The following PRKCB variants were observed in gnomAD, a reference collection of about 807,000 sequenced individuals.
The protein encoded by PRKCB is protein kinase C beta type.
A neutral mutation model predicts 81.5 loss-of-function variants in PRKCB; 13 were observed. The observed-to-expected ratio is 0.16, with a 90% confidence interval of 0.10 to 0.25. The LOEUF is 0.25. Ranked by LOEUF, PRKCB falls within the 10% of genes least tolerant of loss-of-function variation. PRKCB has a pLI of 1.00. For synonymous variants in PRKCB, 335 were observed against 321.4 expected, an observed-to-expected ratio of 1.04 and a Z score of -0.45; for missense variants, 509 against 875.7, an observed-to-expected ratio of 0.58 and a Z score of 5.29.
At chr16:23,891,005 G>A (rs1490909049) in intron 2 of PRKCB, among the ~76,000 whole-genome samples, 1 of 19,572 alleles carries the variant, frequency 5.1e-5, no homozygotes, top group East Asian at 1.5e-3. Flanking sequence ...TATAATGCGT[G>A]TGTGTGTGTG....
At chr16:24,047,565 C>T (rs1481865289) in intron 5 of PRKCB, among the ~76,000 whole-genome samples, 1 of 151,774 alleles carries the variant, frequency 6.6e-6, no homozygotes, top group Non-Finnish European at 1.5e-5. Flanking sequence ...TTTGAGCACC[C>T]GCCTCTAGTC....
At chr16:23,998,197 G>A (rs567604450) in intron 3 of PRKCB, among the ~76,000 whole-genome samples, 9 of 152,246 alleles carry the variant, frequency 5.9e-5, no homozygotes, top group South Asian at 2.1e-4. Context: ...TCCTTCAGAC[G>A]TGGACCAGGA....
intron 2 of PRKCB, among the ~76,000 whole-genome samples, chr16:23,865,675 C>T (rs1962777073): frequency 1.3e-5 from 2 of 150,558 alleles, no homozygotes; most frequent in Admixed American, 6.6e-5. Flanking sequence ...ATGTAAGAAA[C>T]AGAGCCCCAA....
At chr16:23,987,954 CT>C (rs1964824174) in intron 2 of PRKCB, among the ~76,000 whole-genome samples, 1 of 152,202 alleles carries the variant, frequency 6.6e-6, no homozygotes, top group South Asian at 2.1e-4. Context: ...TTGCAGACTA[CT>C]AAAGTGACAA....
At chr16:24,004,372 A>C in intron 3 of PRKCB, among the ~76,000 whole-genome samples, 1 of 151,900 alleles carries the variant, frequency 6.6e-6, no homozygotes, top group South Asian at 2.1e-4. Context: ...ATCAAAAGAA[A>C]TAGGACTCAA....
intron 8 of PRKCB, 60 bp from the exon 9 acceptor site, chr16:24,123,775 C>T: frequency 1.3e-6 from 2 of 1,573,140 alleles, no homozygotes; most frequent in Non-Finnish European, 1.7e-6. Context: ...TGTGCCTGTG[C>T]CTTCCTACAA....
At chr16:24,039,073 G>C (rs1277214522) in intron 5 of PRKCB, among the ~76,000 whole-genome samples, 2 of 152,144 alleles carry the variant, frequency 1.3e-5, no homozygotes, top group Non-Finnish European at 1.5e-5. Context: ...AAGAAAGAGA[G>C]ATCATTCTGT....
At chr16:23,912,812 CTTTA>C (rs778837740) in intron 2 of PRKCB, among the ~76,000 whole-genome samples, 1 of 66,642 alleles carries the variant, frequency 1.5e-5, no homozygotes, top group Non-Finnish European at 3.3e-5. Context: ...CGTGCCTGGC[CTTTA>C]TTTATTTATT....
At chr16:23,956,043 G>T (rs750496915) in intron 2 of PRKCB, among the ~76,000 whole-genome samples, 1 of 152,000 alleles carries the variant, frequency 6.6e-6, no homozygotes. Flanking sequence ...CAATATTTAG[G>T]TGTATTATCC....
At chr16:24,191,367 A>C (rs769215591) in intron 16 of PRKCB, 137 bp downstream of exon 16, 19 of 931,894 alleles carry the variant, frequency 2.0e-5, no homozygotes, top group Non-Finnish European at 2.6e-5. Flanking sequence ...ATTCACACAT[A>C]TGCACAAAAT....
chr16:24,102,112 G>A (rs779530983), intron 7 of PRKCB, among the ~76,000 whole-genome samples: 2 of 152,104 alleles, frequency 1.3e-5, no homozygotes, highest in Non-Finnish European at 2.9e-5. Flanking sequence ...ATTTTATTTC[G>A]GCTTTCCTGA....
At chr16:23,918,441 A>G (rs1461332761) in intron 2 of PRKCB, among the ~76,000 whole-genome samples, 2 of 151,852 alleles carry the variant, frequency 1.3e-5, no homozygotes, top group African/African-American at 2.4e-5. Flanking sequence ...CTGTCACCCA[A>G]GTTGGAGTGA....
At position 24,218,971 on chromosome 16, in the gene PRKCB, G is replaced by T. The variant is rs951936655; in HGVS notation, c.*4155G>T. 2.0e-6 allele frequency: 2 copies of T among 985,206 alleles called. No individual in the cohort carries two copies. The highest frequency in any genetic ancestry group is 2.4e-6 in the Non-Finnish European group (2 of 829,958). The allele number at this position is 985,206 out of a possible 1,614,324, so 61.0% of individuals were successfully genotyped here. A position where few individuals can be genotyped will look rare whatever the true frequency, so the allele number is the denominator to read the frequency against. On this transcript the variant is annotated 3_prime_UTR_variant, in exon 17 of 17. Transcript: ENST00000643927. ...AAGCCACCCTGCCTGCTTGTGCCTC[G>T]GTTCTCTCATATGTCATATATAGGA...
At chr16:24,213,004 G>GTTTGTT (rs891363971) in intron 16 of PRKCB, among the ~76,000 whole-genome samples, 8 of 142,976 alleles carry the variant, frequency 5.6e-5, no homozygotes, top group Non-Finnish European at 1.1e-4. Context: ...CACCGTACTT[G>GTTTGTT]TATATTTATT....
In PRKCB at chr16:23,857,288, G is replaced by C. The variant is rs1962584271; in HGVS notation, c.205+19882G>C. Among the ~76,000 whole-genome samples, 3 of 152,230 alleles carry C rather than the reference G, an allele frequency of 2.0e-5. No homozygotes were observed. In the South Asian group the frequency reaches 6.2e-4, roughly 31 times the overall value. On this transcript the variant is annotated intron_variant, in intron 2 of 16. Transcript: ENST00000643927. ...CGGAGAACTGTCCCTCTCCTGCAGA[G>C]AGAAGGAGCTGCTTATCCTGGGGGA...
intron 5 of PRKCB, among the ~76,000 whole-genome samples, chr16:24,068,997 C>T (rs1212670587): frequency 1.3e-5 from 2 of 152,264 alleles, no homozygotes; most frequent in South Asian, 4.1e-4. Context: ...TACCATATGC[C>T]AGACATTCTA....
chr16:23,991,486 T>G (rs1158123394), intron 3 of PRKCB, among the ~76,000 whole-genome samples: 2 of 152,194 alleles, frequency 1.3e-5, no homozygotes, highest in Non-Finnish European at 2.9e-5. Context: ...GACTGAAACT[T>G]GATACTCAAC....
intron 9 of PRKCB, among the ~76,000 whole-genome samples, chr16:24,151,229 C>T (rs1211820675): frequency 6.6e-6 from 1 of 152,134 alleles, no homozygotes; most frequent in Non-Finnish European, 1.5e-5. Context: ...TTTCCTTTAA[C>T]AAGGAGAAGA....
At chr16:23,912,875 A>C (rs369083170) in intron 2 of PRKCB, among the ~76,000 whole-genome samples, 36 of 150,662 alleles carry the variant, frequency 2.4e-4, no homozygotes, top group African/African-American at 8.3e-4. Flanking sequence ...CCTAGGCTGG[A>C]GTGCAGTGGT....
Sources: gnomAD v4.1 joint callset for allele counts (sites outside exome capture counted in the v4.1 genomes callset) on GRCh38, gnomAD v4.1.1 for gene constraint, MANE v1.5 for transcripts, NCBI Gene and HGNC (gene_info 2026-07-23, HGNC 2026-07-21) for gene names.